Variants in MLLT3 observed in about 807,000 individuals in gnomAD.
The protein encoded by MLLT3 is MLLT3 super elongation complex subunit.
MLLT3 carries 4 observed loss-of-function variants against 53.2 expected under a neutral mutation model. The observed-to-expected ratio is 0.08, with a 90% CI of 0.04 to 0.17. The LOEUF (loss-of-function observed/expected upper bound fraction) is 0.17. Among genes scored for constraint, MLLT3 ranks in the 10% least tolerant of loss-of-function variants. The probability of loss-of-function intolerance (pLI) is 1.00; values close to 1 mark genes in which losing one functional copy is unlikely to be tolerated. For synonymous variants in MLLT3, 283 were observed against 230.6 expected (o/e 1.23, Z -2.06); for missense variants, 569 against 684.0 (o/e 0.83, Z 1.87).
At chr9:20,561,258 T>C (rs1031879839) in intron 2 of MLLT3, among the ~76,000 whole-genome samples, 11 of 152,118 alleles carry the variant, frequency 7.2e-5, no homozygotes, top group Admixed American at 2.6e-4. Flanking sequence ...CAGAGCACTA[T>C]ATATATAGAC....
In MLLT3 at chr9:20,577,183, T is replaced by C. The variant is rs145398575; in HGVS notation, c.193+43471A>G. Among the ~76,000 whole-genome samples the C allele has an allele frequency of 6.2e-3, 947 of 152,232 alleles. 16 individuals are homozygous for C. Among genetic ancestry groups the C allele is most frequent in the African/African-American group, 0.022 (918 of 41,552 alleles). On this transcript the variant is annotated intron_variant, in intron 2 of 10. Coordinates refer to ENST00000380338, the MANE Select transcript of MLLT3 (RefSeq NM_004529.4). ...TTTATCACCACACAAATTTAATATATTTAATAACTCCAGTTAAAGCAATAG... is the reference window on the plus strand; with the variant it reads ...TTTATCACCACACAAATTTAATATACTTAATAACTCCAGTTAAAGCAATAG...
intron 4 of MLLT3, among the ~76,000 whole-genome samples, chr9:20,421,516 A>G (rs902531438): frequency 6.6e-6 from 1 of 152,168 alleles, no homozygotes; most frequent in Non-Finnish European, 1.5e-5. Context: ...AAACATTATA[A>G]TACCCAACAT....
intron 2 of MLLT3, among the ~76,000 whole-genome samples, chr9:20,537,573 A>C (rs977234447): frequency 3.9e-5 from 6 of 152,166 alleles, no homozygotes; most frequent in Admixed American, 2.6e-4. Context: ...GAGTCCTGCC[A>C]ATTCACATGT....
intron 10 of MLLT3, among the ~76,000 whole-genome samples, chr9:20,352,695 C>A (rs1449396534): frequency 1.4e-5 from 2 of 146,642 alleles, no homozygotes; most frequent in African/African-American, 2.5e-5. Flanking sequence ...AATGTGACCA[C>A]CAGCCATTAA....
intron 2 of MLLT3, among the ~76,000 whole-genome samples, chr9:20,613,909 T>C (rs1268742604): frequency 2.0e-5 from 3 of 152,142 alleles, no homozygotes; most frequent in African/African-American, 2.4e-5. Flanking sequence ...AAACAAATTA[T>C]TAGAAAAACC....
intron 10 of MLLT3, 42 bp from the exon 11 acceptor site, chr9:20,346,616 A>C: frequency 6.3e-7 from 1 of 1,598,544 alleles, no homozygotes; most frequent in Non-Finnish European, 8.5e-7. Flanking sequence ...ATACGCAGCA[A>C]ACATCAAAAG....
chr9:20,454,913 A>G (rs959422657), intron 3 of MLLT3, among the ~76,000 whole-genome samples: 5 of 152,260 alleles, frequency 3.3e-5, no homozygotes, highest in Non-Finnish European at 5.9e-5. Context: ...GCACATGAAA[A>G]GATGTTCAAA....
chr9:20,536,968 G>A (rs1007827010), intron 2 of MLLT3, among the ~76,000 whole-genome samples: 9 of 152,096 alleles, frequency 5.9e-5, no homozygotes, highest in South Asian at 2.1e-4. Context: ...AAGAACAACC[G>A]TCTGGTTCTT....
Position 20,345,972 on chromosome 9 carries a change from A to T in MLLT3, c.*471T>A, listed in dbSNP as rs149199268. The T allele has an allele frequency of 1.8e-3, 419 of 233,618 alleles. 2 individuals are homozygous for T. The highest frequency in any genetic ancestry group is 8.3e-3 in the African/African-American group (378 of 45,374). The allele number at this position is 233,618 out of a possible 1,614,324, so 14.5% of individuals were successfully genotyped here. ...GCATTGAAAGAGCATCCACGGGACCAAGTACTTATAATGTCTGATGGTGTC... is the reference window on the plus strand; with the variant it reads ...GCATTGAAAGAGCATCCACGGGACCTAGTACTTATAATGTCTGATGGTGTC... On this transcript the variant is annotated 3_prime_UTR_variant, in exon 11 of 11. Coordinates refer to ENST00000380338, the MANE Select transcript of MLLT3 (RefSeq NM_004529.4).
chr9:20,535,730 T>C (rs1410405410), intron 2 of MLLT3, among the ~76,000 whole-genome samples: 1 of 152,168 alleles, frequency 6.6e-6, no homozygotes, highest in Admixed American at 6.5e-5. Context: ...CAGAATTAAA[T>C]TCAGTTCAGG....
chr9:20,504,574 G>C (rs563465681), intron 2 of MLLT3, among the ~76,000 whole-genome samples: 17 of 152,180 alleles, frequency 1.1e-4, no homozygotes, highest in African/African-American at 4.1e-4. Context: ...GAGTAGAATG[G>C]TGGTGGGTGG....
chr9:20,493,017 C>T (rs972146566), intron 2 of MLLT3, among the ~76,000 whole-genome samples: 24 of 151,868 alleles, frequency 1.6e-4, no homozygotes, highest in East Asian at 5.8e-4. Context: ...ATTGTGCACC[C>T]GTTTCCATTT....
intron 4 of MLLT3, among the ~76,000 whole-genome samples, chr9:20,417,640 G>T (rs1458622658): frequency 5.9e-5 from 9 of 152,002 alleles, no homozygotes. Flanking sequence ...GCAAATGATT[G>T]TTTAAACATA....
At chr9:20,520,564 A>G (rs977303770) in intron 2 of MLLT3, among the ~76,000 whole-genome samples, 1 of 152,190 alleles carries the variant, frequency 6.6e-6, no homozygotes, top group Non-Finnish European at 1.5e-5. Flanking sequence ...AAATAATGTG[A>G]AAAATAATAC....
chr9:20,544,576 GAAAAT>G (rs1164328147), intron 2 of MLLT3, among the ~76,000 whole-genome samples: 1 of 152,160 alleles, frequency 6.6e-6, no homozygotes, highest in Non-Finnish European at 1.5e-5. Flanking sequence ...TGAAAAAACA[GAAAAT>G]AATAGGTGTT....
chr9:20,455,371 G>A (rs372391092), intron 3 of MLLT3, among the ~76,000 whole-genome samples: 7 of 152,242 alleles, frequency 4.6e-5, no homozygotes, highest in African/African-American at 1.7e-4. Context: ...AAAAAGGCCA[G>A]TGTGACACTG....
At chr9:20,442,476 G>A (rs1426141564) in intron 4 of MLLT3, among the ~76,000 whole-genome samples, 1 of 152,178 alleles carries the variant, frequency 6.6e-6, no homozygotes, top group African/African-American at 2.4e-5. Flanking sequence ...GATGCACTGT[G>A]TGTATATTTA....
At chr9:20,545,363 A>G (rs1191245976) in intron 2 of MLLT3, among the ~76,000 whole-genome samples, 1 of 152,176 alleles carries the variant, frequency 6.6e-6, no homozygotes, top group African/African-American at 2.4e-5. Flanking sequence ...GGTCAAACTC[A>G]CAGAAACACA....
At chr9:20,360,872 A>C (rs1821305502) in intron 7 of MLLT3, 31 bp from the exon 8 acceptor site, 1 of 1,554,172 alleles carries the variant, frequency 6.4e-7, no homozygotes, top group Non-Finnish European at 8.9e-7. Context: ...TATGCACATC[A>C]TTACAAACAG....
Sources: gnomAD v4.1 joint callset for allele counts (sites outside exome capture counted in the v4.1 genomes callset) on GRCh38, gnomAD v4.1.1 for gene constraint, MANE v1.5 for transcripts, NCBI Gene and HGNC (gene_info 2026-07-23, HGNC 2026-07-21) for gene names.